Variants in UBASH3A observed in about 807,000 individuals in gnomAD.
UBASH3A encodes ubiquitin-associated and SH3 domain-containing protein A.
In UBASH3A, 63 loss-of-function variants were observed where a neutral mutation model predicts 73.5. That is an observed-to-expected ratio of 0.86 (90% CI 0.70 to 1.06). UBASH3A has a LOEUF of 1.06. Ranked by LOEUF, UBASH3A falls within the 50% of genes least tolerant of loss-of-function variation. UBASH3A has a pLI of 0.00. For synonymous variants in UBASH3A, 363 were observed against 351.1 expected (o/e 1.03, Z -0.38); for missense variants, 860 against 859.0 (o/e 1.00, Z -0.02).
rs779550815 is a variant in UBASH3A at position 42,443,342 on chromosome 21, G to A, written c.1662G>A (p.Pro554=). 25 of 1,612,798 alleles carry A rather than the reference G, an allele frequency of 1.6e-5. No individual in the cohort carries two copies. Among genetic ancestry groups the A allele is most frequent in the Admixed American group, 1.0e-4 (6 of 59,920 alleles). The change falls in exon 13 of 15, where the codon CCG becomes CCA. Residue 554 remains proline (P), a synonymous_variant. Transcript: ENST00000319294. ...RPAFPLSALM[P]AESYQEYMDR... ...CGTTTCCCCTGTCCGCCCTCATGCC[G>A]GCCGAGAGCTACCAGGAGTACATGG...
intron 9 of UBASH3A, among the ~76,000 whole-genome samples, chr21:42,433,592 G>C (rs883391): frequency 6.6e-6 from 1 of 152,096 alleles, no homozygotes; most frequent in African/African-American, 2.4e-5. Context: ...ATTTTAGAGG[G>C]GGATCACAGA....
chr21:42,422,187 C>T (rs917489277), intron 7 of UBASH3A, among the ~76,000 whole-genome samples: 4 of 152,126 alleles, frequency 2.6e-5, no homozygotes, highest in African/African-American at 9.7e-5. Context: ...CTCTTGAGGC[C>T]ATTTAACTTC....
At chr21:42,432,496 C>T (rs550989470) in intron 9 of UBASH3A, among the ~76,000 whole-genome samples, 1 of 141,874 alleles carries the variant, frequency 7.0e-6, no homozygotes, top group East Asian at 1.9e-4. Flanking sequence ...TTGCACACCC[C>T]AGCTTTTCTC....
intron 13 of UBASH3A, 151 bp downstream of exon 13, chr21:42,443,569 C>G (rs2053790655): frequency 3.5e-6 from 2 of 576,274 alleles, no homozygotes; most frequent in South Asian, 5.2e-5. Context: ...GTTTTCATCA[C>G]TGCTGCTGCT....
intron 9 of UBASH3A, among the ~76,000 whole-genome samples, chr21:42,433,598 A>G (rs759196150): frequency 1.3e-5 from 2 of 152,256 alleles, no homozygotes; most frequent in Admixed American, 6.5e-5. Context: ...GAGGGGGATC[A>G]CAGATGCCTT....
intron 3 of UBASH3A, among the ~76,000 whole-genome samples, chr21:42,412,375 C>T (rs369065037): frequency 2.6e-5 from 4 of 152,146 alleles, no homozygotes; most frequent in Non-Finnish European, 5.9e-5. Flanking sequence ...TCAGGGAGGC[C>T]GGGCCAGGGG....
At position 42,447,518 on chromosome 21, in the gene UBASH3A, C is replaced by CGGCG; in HGVS notation, c.*324_*325insGGCG. The CGGCG allele has an allele frequency of 4.1e-6, 1 of 241,520 alleles. No homozygotes were observed. Among genetic ancestry groups the CGGCG allele is most frequent in the Non-Finnish European group, 7.9e-6 (1 of 126,278 alleles). 15.0% of individuals were successfully genotyped at this position (241,520 alleles called of 1,614,324 possible). ...CTCTAACTTCCAGGAATTAAAGACTCACCACACACGAAGGATCTAACCACT... is the reference window on the plus strand; with the variant it reads ...CTCTAACTTCCAGGAATTAAAGACTCGGCGACCACACACGAAGGATCTAACCACT... On this transcript the variant is annotated 3_prime_UTR_variant, in exon 15 of 15. Transcript: ENST00000319294.
At position 42,440,904 on chromosome 21, in the gene UBASH3A, G is replaced by A. The variant is rs369604763; in HGVS notation, c.1487-1548G>A. ...TATCTTTTTTTTGTCATTGTTCGTG[G>A]TTCCTCATTAACACACTTATTCCCA... is the stretch of plus-strand genomic sequence containing the variant. On this transcript the variant is annotated intron_variant, in intron 11 of 14. Coordinates refer to ENST00000319294, the MANE Select transcript of UBASH3A (RefSeq NM_018961.4). Among the ~76,000 whole-genome samples the A allele has an allele frequency of 5.3e-4, 81 of 152,302 alleles. 1 individual carries two copies. In the South Asian group the frequency reaches 6.2e-3, roughly 12 times the overall value.
At chr21:42,442,852 A>G (rs538033485) in intron 12 of UBASH3A, among the ~76,000 whole-genome samples, 35 of 152,110 alleles carry the variant, frequency 2.3e-4, no homozygotes, top group Non-Finnish European at 4.7e-4. Flanking sequence ...ACTGACCTAA[A>G]TGGAGACTCT....
intron 11 of UBASH3A, 142 bp from the exon 12 acceptor site, chr21:42,442,310 A>G: frequency 1.1e-6 from 1 of 892,264 alleles, no homozygotes; most frequent in Non-Finnish European, 1.7e-6. Flanking sequence ...ACAGAACGGT[A>G]TTTGCCAAGA....
At chr21:42,406,450 A>T in intron 2 of UBASH3A, 89 bp downstream of exon 2, 1 of 1,171,814 alleles carries the variant, frequency 8.5e-7, no homozygotes, top group Non-Finnish European at 1.3e-6. Flanking sequence ...TGATACCAGG[A>T]AGAGCCGGGC....
At chr21:42,410,046 G>A (rs990715640) in intron 3 of UBASH3A, 10 of 701,276 alleles carry the variant, frequency 1.4e-5, no homozygotes, top group Non-Finnish European at 2.1e-5. Flanking sequence ...CTTCCAAAAT[G>A]TGTGGTAAGT....
intron 8 of UBASH3A, among the ~76,000 whole-genome samples, chr21:42,430,056 G>A (rs1318767076): frequency 2.6e-5 from 4 of 152,104 alleles, no homozygotes; most frequent in Admixed American, 2.6e-4. Flanking sequence ...ACAGGATCTG[G>A]CAGGAGCTGC....
chr21:42,435,478 C>A (rs1426610923), intron 10 of UBASH3A: 1 of 152,864 alleles, frequency 6.5e-6, no homozygotes, highest in African/African-American at 2.4e-5. Flanking sequence ...CAGAGACCCC[C>A]ACGGCCCACT....
At chr21:42,431,398 G>A (rs2053527195) in intron 8 of UBASH3A, among the ~76,000 whole-genome samples, 1 of 152,274 alleles carries the variant, frequency 6.6e-6, no homozygotes, top group Non-Finnish European at 1.5e-5. Flanking sequence ...CCATCCTGCG[G>A]CTGCCTGAGG....
Position 42,409,504 on chromosome 21 carries a change from C to G in UBASH3A, c.250C>G (p.Leu84Val). 1 of 1,614,180 alleles carries G rather than the reference C, an allele frequency of 6.2e-7. No individual in the cohort carries two copies. Among genetic ancestry groups the G allele is most frequent in the Non-Finnish European group, 8.5e-7 (1 of 1,180,026 alleles). The change falls in exon 3 of 15, where the codon CTG (leucine) becomes GTG (valine). Residue 84 changes from leucine (L) to valine (V), a missense_variant. By Grantham distance (32) the Leu-to-Val change is conservative (BLOSUM62 1). Transcript: ENST00000319294. ...CCTTTTCCTCTGTCCAACGGGGCCC[C>G]TGCTGGAAAAACTTCAAGAGTTCTG... ...YALFLCPTGP[L>V]LEKLQEFWRE... is the part of the protein sequence containing the mutation.
chr21:42,412,688 G>A (rs935749748), intron 3 of UBASH3A, among the ~76,000 whole-genome samples: 9 of 152,166 alleles, frequency 5.9e-5, no homozygotes, highest in Admixed American at 4.6e-4. Flanking sequence ...CCTGAGCAAA[G>A]CAGTGTGCCA....
chr21:42,444,976 G>T (rs554488118), intron 14 of UBASH3A, among the ~76,000 whole-genome samples: 1 of 152,316 alleles, frequency 6.6e-6, no homozygotes, highest in South Asian at 2.1e-4. Context: ...ACGACTGTGG[G>T]ACTCGATTCT....
At position 42,413,216 on chromosome 21, in the gene UBASH3A, T is replaced by C; in HGVS notation, c.547T>C (p.Leu183=). Residue 183 remains leucine, a synonymous_variant, in exon 4 of 15, where the codon TTA becomes CTA. Coordinates refer to ENST00000319294, the MANE Select transcript of UBASH3A (RefSeq NM_018961.4). The surrounding 1 kb of genome is among the most constrained non-coding windows in gnomAD (Gnocchi z 4.5). ...AMTFATEASL[L]AGTSVSRFWI... ...GACCTTCGCCACGGAAGCATCTCTCTTAGCAGGTGGGCAGCCCTGGCCAGT... is the reference window on the plus strand; with the variant it reads ...GACCTTCGCCACGGAAGCATCTCTCCTAGCAGGTGGGCAGCCCTGGCCAGT... The C allele has an allele frequency of 6.2e-7, 1 of 1,614,208 alleles. No homozygotes were observed.
Sources: allele counts gnomAD v4.1 joint callset (sites outside exome capture counted in the v4.1 genomes callset), GRCh38; gene constraint gnomAD v4.1.1; non-coding constraint Gnocchi (gnomAD v3.1); transcripts MANE v1.5; gene names NCBI Gene and HGNC (gene_info 2026-07-23, HGNC 2026-07-21).